Variants in IRAG2 observed in about 807,000 individuals in gnomAD.
The protein encoded by IRAG2 is lymphoid restricted membrane protein.
In IRAG2, 45 loss-of-function variants were observed where a neutral mutation model predicts 69.9. The observed-to-expected ratio is 0.64, with a 90% CI of 0.51 to 0.83. IRAG2 has a LOEUF of 0.83. Among genes scored for constraint, IRAG2 ranks in the 40% least tolerant of loss-of-function variants. The pLI, the probability that IRAG2 is intolerant of heterozygous loss-of-function variation, is 0.00. For synonymous variants in IRAG2, 193 were observed against 202.4 expected (o/e 0.95, Z 0.40); for missense variants, 520 against 587.0 (o/e 0.89, Z 1.18).
intron 14 of IRAG2, among the ~76,000 whole-genome samples, chr12:25,096,689 T>C (rs760268809): frequency 6.6e-6 from 1 of 152,160 alleles, no homozygotes; most frequent in Non-Finnish European, 1.5e-5. Flanking sequence ...GGATCAAGAA[T>C]AGACATAAAA....
At chr12:25,093,143 A>G (rs1449769820) in intron 14 of IRAG2, 1 of 153,728 alleles carries the variant, frequency 6.5e-6, no homozygotes, top group Non-Finnish European at 1.5e-5. Flanking sequence ...TTTTTCTCAA[A>G]TGCAGGCAAA....
At chr12:25,011,418 A>G (rs1040313769) in exon 3 of IRAG2, 11 of 1,231,612 alleles carry the variant, frequency 8.9e-6, no homozygotes, top group Middle Eastern at 3.1e-4. Context: ...ACAAACAACT[A>G]GCCAAAATTC....
In IRAG2 at chr12:25,089,763, C is replaced by T. The variant is rs573914555; in HGVS notation, c.438C>T (p.Asn146=). 5 of 1,613,294 alleles carry T rather than the reference C, an allele frequency of 3.1e-6. No homozygotes were observed. The African/African-American group carries it at 6.7e-5, about 22-fold the overall frequency. The change falls in exon 13 of 22, where the codon AAC becomes AAT. Residue 146 remains asparagine (N), a splice_region_variant and synonymous_variant. Coordinates refer to ENST00000556887, the MANE Select transcript of IRAG2 (RefSeq NM_001366544.2). The stretch of plus-strand genomic sequence containing the variant: ...ATATGTTTTTTGTCTTATCCTACAG[C>T]ACTTCTGCTAATGAGAAGGAGGTGG... ...VKSVNLRQSE[N]TSANEKEVEA...
At chr12:25,077,174 C>CATATATATATGATATATATGAA (rs1565562035) in intron 6 of IRAG2, among the ~76,000 whole-genome samples, 11 of 35,872 alleles carry the variant, frequency 3.1e-4, no homozygotes, top group South Asian at 8.8e-4. Context: ...TTGTTCATTT[C>CATATATATATGATATATATGAA]ATATATATAT....
intron 3 of IRAG2, among the ~76,000 whole-genome samples, chr12:25,063,263 A>G (rs1945746758): frequency 6.6e-6 from 1 of 152,170 alleles, no homozygotes; most frequent in African/African-American, 2.4e-5. Flanking sequence ...GGGTTTCCCC[A>G]TGTTGGCCAG....
chr12:25,050,535 ACAAACAAACAAACAAAC>A (rs1383574196), upstream of IRAG2, among the ~76,000 whole-genome samples: 39 of 123,080 alleles, frequency 3.2e-4, 5 homozygotes, highest in South Asian at 1.7e-3. Context: ...CTCAAAAAAA[ACAAACAAACAAACAAAC>A]AAAAAAAAAC....
intron 1 of IRAG2, among the ~76,000 whole-genome samples, chr12:25,057,560 C>T (rs1226376577): frequency 1.3e-5 from 2 of 152,078 alleles, no homozygotes; most frequent in Non-Finnish European, 2.9e-5. Context: ...TGCCCAGCTG[C>T]ATGTATTTTT....
chr12:25,028,750 G>T (rs968841418), intron 9 of IRAG2, among the ~76,000 whole-genome samples: 4 of 152,128 alleles, frequency 2.6e-5, no homozygotes, highest in Admixed American at 2.0e-4. Context: ...TGTCTGAAAT[G>T]ATGATATACT....
At chr12:25,107,600 A>G (rs775044098) in intron 21 of IRAG2, among the ~76,000 whole-genome samples, 24 of 149,072 alleles carry the variant, frequency 1.6e-4, no homozygotes, top group Non-Finnish European at 3.3e-4. Flanking sequence ...CGTAATTTTC[A>G]GATTCTCATC....
the IRAG2 span, among the ~76,000 whole-genome samples, chr12:24,999,086 A>T: frequency 6.6e-6 from 1 of 152,206 alleles, no homozygotes; most frequent in Non-Finnish European, 1.5e-5. Flanking sequence ...GATGTTGATA[A>T]ACACAAATTA....
intron 10 of IRAG2, among the ~76,000 whole-genome samples, chr12:25,031,982 G>A (rs951714501): frequency 1.1e-4 from 17 of 152,076 alleles, no homozygotes; most frequent in African/African-American, 2.9e-4. Flanking sequence ...GTTTTTAATC[G>A]CAAAACACCG....
At chr12:25,064,878 T>C (rs2139994022) in intron 4 of IRAG2, among the ~76,000 whole-genome samples, 1 of 152,178 alleles carries the variant, frequency 6.6e-6, no homozygotes, top group South Asian at 2.1e-4. Flanking sequence ...TTGCTTGAGG[T>C]CAGGAGTTGG....
chr12:25,042,472 AT>A (rs922150543), intron 16 of IRAG2, among the ~76,000 whole-genome samples: 1 of 149,836 alleles, frequency 6.7e-6, no homozygotes, highest in Admixed American at 6.7e-5. Context: ...GTACCATCTA[AT>A]TTTTTTTTTA....
chr12:25,021,413 A>T (rs1255902737), intron 7 of IRAG2, among the ~76,000 whole-genome samples: 2 of 152,196 alleles, frequency 1.3e-5, no homozygotes, highest in South Asian at 2.1e-4. Flanking sequence ...CACTTGAATT[A>T]AAAAAAATCT....
At chr12:25,039,644 A>G (rs539141149) in intron 16 of IRAG2, among the ~76,000 whole-genome samples, 2 of 152,108 alleles carry the variant, frequency 1.3e-5, no homozygotes, top group Admixed American at 1.3e-4. Flanking sequence ...GTTAACCAGG[A>G]TGGTCTCGAT....
chr12:25,103,505 G>C (rs2140251116), intron 17 of IRAG2: 1 of 208,438 alleles, frequency 4.8e-6, no homozygotes, highest in East Asian at 1.2e-4. Flanking sequence ...GTGGTAAACA[G>C]GTGGTTCTCA....
At chr12:25,036,575 CTT>C (rs764138173) in intron 14 of IRAG2, 39 of 398,652 alleles carry the variant, frequency 9.8e-5, no homozygotes, top group Non-Finnish European at 1.6e-4. Flanking sequence ...ATGTGGAACT[CTT>C]TTTTCAGCAC....
intron 10 of IRAG2, among the ~76,000 whole-genome samples, chr12:25,084,144 T>C (rs927572953): frequency 2.0e-5 from 3 of 152,142 alleles, no homozygotes; most frequent in African/African-American, 7.2e-5. Context: ...TCCCAGCACT[T>C]TGAGAGATCG....
intron 14 of IRAG2, among the ~76,000 whole-genome samples, chr12:25,091,867 G>A (rs73284761): frequency 0.023 from 3,485 of 152,224 alleles, 111 homozygotes; most frequent in African/African-American, 0.08. Context: ...TAATGATATT[G>A]TGCATCTTTT....
Sources: allele counts gnomAD v4.1 joint callset (sites outside exome capture counted in the v4.1 genomes callset), GRCh38; gene constraint gnomAD v4.1.1; transcripts MANE v1.5; gene names NCBI Gene and HGNC (gene_info 2026-07-23, HGNC 2026-07-21).